The following COBL variants were observed in gnomAD, a reference collection of about 807,000 sequenced individuals.
The protein encoded by COBL is cordon-bleu WH2 repeat protein.
Under a neutral mutation model 98.8 loss-of-function variants are expected in COBL, and 51 were observed. The observed-to-expected ratio is 0.52, with a 90% CI of 0.41 to 0.65. The LOEUF (loss-of-function observed/expected upper bound fraction) is 0.65. COBL is among the 30% of genes least tolerant of loss of function. The pLI is 0.00. For synonymous variants in COBL, 634 were observed against 651.7 expected, an observed-to-expected ratio of 0.97 and a Z score of 0.41; for missense variants, 1,617 against 1,617.5, an observed-to-expected ratio of 1.00 and a Z score of 0.01.
chr7:51,314,241 G>A (rs1217031657), intron 1 of COBL, among the ~76,000 whole-genome samples: 2 of 152,214 alleles, frequency 1.3e-5, no homozygotes, highest in South Asian at 2.1e-4. Context: ...TACAACACAA[G>A]GAGGAGTGGT....
intron 5 of COBL, among the ~76,000 whole-genome samples, chr7:51,172,712 T>C (rs1787999672): frequency 6.6e-6 from 1 of 152,278 alleles, no homozygotes; most frequent in Admixed American, 6.5e-5. Context: ...AAGTGCTCCC[T>C]GATTCGGAAA....
intron 8 of COBL, chr7:51,031,126 A>G (rs767780728): frequency 3.6e-6 from 2 of 563,246 alleles, no homozygotes; most frequent in Non-Finnish European, 6.3e-6. Flanking sequence ...GGATGCGTGT[A>G]GCGTGTGTGC....
Position 51,067,830 on chromosome 7 carries a change from G to C in COBL, c.1096+17336C>G, listed in dbSNP as rs564210244. 2.9e-4 allele frequency among the ~76,000 whole-genome samples: 43 copies of C among 150,822 alleles called. 2 individuals carry two copies. The South Asian group carries it at 5.6e-3, about 20-fold the overall frequency. ...GTTTCTTTCCATTCTCTTCAACTCT[G>C]TCTATCAATGGGATAATCAGGGTTC... On this transcript the variant is annotated intron_variant, in intron 7 of 12. Coordinates refer to ENST00000265136, the MANE Select transcript of COBL (RefSeq NM_015198.5).
Position 51,043,818 on chromosome 7 carries a change from A to T in COBL, c.1097-126T>A, listed in dbSNP as rs115224218. 405 of 714,178 alleles carry T rather than the reference A, an allele frequency of 5.7e-4. No individual in the cohort carries two copies. In the African/African-American group the frequency reaches 6.7e-3, roughly 12 times the overall value. 44.2% of individuals were successfully genotyped at this position (714,178 alleles called of 1,614,324 possible). A position where few individuals can be genotyped will look rare whatever the true frequency, so the allele number is the denominator to read the frequency against. Reference sequence around the variant, plus strand: ...GGATTCAGGGTGCTCAAAGTAAAGGAAGAACCTCATTCAAATACTGCTGAA... The same window carrying T: ...GGATTCAGGGTGCTCAAAGTAAAGGTAGAACCTCATTCAAATACTGCTGAA... On this transcript the variant is annotated intron_variant, in intron 7 of 12. Coordinates refer to ENST00000265136, the MANE Select transcript of COBL (RefSeq NM_015198.5).
intron 1 of COBL, among the ~76,000 whole-genome samples, chr7:51,236,033 C>G (rs148445741): frequency 6.6e-6 from 1 of 152,162 alleles, no homozygotes; most frequent in African/African-American, 2.4e-5. Flanking sequence ...AAAACCCTTC[C>G]CCTTTTACGT....
chr7:51,180,097 A>G (rs1423378249), intron 5 of COBL, among the ~76,000 whole-genome samples: 21 of 152,218 alleles, frequency 1.4e-4, no homozygotes, highest in Admixed American at 1.2e-3. Flanking sequence ...ATGGCAATAT[A>G]CTTACTTGCA....
rs774093703 is a variant in COBL, at chr7:51,043,526, C to T, written c.1263G>A (p.Ser421=). The T allele has an allele frequency of 5.8e-5, 93 of 1,614,072 alleles. No homozygotes were observed. Among genetic ancestry groups the T allele is most frequent in the Non-Finnish European group, 7.1e-5 (84 of 1,180,046 alleles). Residue 421 remains serine (S), a synonymous_variant, in exon 8 of 13, where the codon TCG becomes TCA. Coordinates refer to ENST00000265136, the MANE Select transcript of COBL (RefSeq NM_015198.5). The part of the protein sequence containing the change: ...SSPSDIVSLD[S]QQDSMKYKDK... ...CTTTGTATTTCATGCTGTCCTGCTGCGAGTCCAGAGAGACGATGTCTGAGG... is the reference window on the plus strand; with the variant it reads ...CTTTGTATTTCATGCTGTCCTGCTGTGAGTCCAGAGAGACGATGTCTGAGG...
intron 6 of COBL, among the ~76,000 whole-genome samples, chr7:51,114,877 C>T (rs1045930722): frequency 1.2e-4 from 18 of 152,188 alleles, no homozygotes; most frequent in Non-Finnish European, 1.8e-4. Context: ...ACACTAGCTC[C>T]AATTTTAGCT....
At chr7:51,019,343 T>C (rs1009708888) in intron 12 of COBL, among the ~76,000 whole-genome samples, 4 of 151,994 alleles carry the variant, frequency 2.6e-5, no homozygotes, top group Non-Finnish European at 5.9e-5. Flanking sequence ...GCAAGACTCA[T>C]GGAACTTGTG....
rs527398557 is a variant in COBL, at chr7:51,094,870, G to GTCACATGTA, written c.958-9567_958-9566insTACATGTGA. Among the ~76,000 whole-genome samples, 439 of 152,324 alleles carry GTCACATGTA rather than the reference G, an allele frequency of 2.9e-3. 2 individuals are homozygous for GTCACATGTA. Among genetic ancestry groups the GTCACATGTA allele is most frequent in the African/African-American group, 0.01 (416 of 41,578 alleles). The stretch of plus-strand genomic sequence containing the variant: ...GTACTTTGTGACATCAAAATATGAT[G>GTCACATGTA]TGTATAGGGTGAAATGCAAAGGAAA... On this transcript the variant is annotated intron_variant, in intron 6 of 12. Transcript: ENST00000265136.
intron 7 of COBL, among the ~76,000 whole-genome samples, chr7:51,075,151 C>A (rs961963313): frequency 6.6e-6 from 1 of 152,184 alleles, no homozygotes; most frequent in African/African-American, 2.4e-5. Flanking sequence ...AATGGATGTA[C>A]AACTCAATTT....
At position 51,118,489 on chromosome 7, in the gene COBL, C is replaced by T. The variant is rs117302451; in HGVS notation, c.957+17669G>A. ...GACAATCCTCGCATCCTAGGGGCCA[C>T]CTGCATTTCACAATCTTTTATAATC... On this transcript the variant is annotated intron_variant, in intron 6 of 12. Transcript: ENST00000265136. Among the ~76,000 whole-genome samples, 6 of 152,096 alleles carry T rather than the reference C, an allele frequency of 3.9e-5. No individual in the cohort carries two copies. In the East Asian group the frequency reaches 7.8e-4, roughly 20 times the overall value.
chr7:51,080,421 C>A (rs1447795028), intron 7 of COBL, among the ~76,000 whole-genome samples: 1 of 152,138 alleles, frequency 6.6e-6, no homozygotes. Context: ...CCTGGGAGTT[C>A]CTGCAGTGGC....
At chr7:51,072,158 T>C (rs78035809) in intron 7 of COBL, 1 of 152,092 alleles carries the variant, frequency 6.6e-6, no homozygotes, top group Non-Finnish European at 1.5e-5. Flanking sequence ...TTTTTTTTTT[T>C]CCATTTTGAG....
intron 1 of COBL, among the ~76,000 whole-genome samples, chr7:51,286,505 A>G (rs969231805): frequency 6.6e-6 from 1 of 152,234 alleles, no homozygotes; most frequent in Non-Finnish European, 1.5e-5. Flanking sequence ...AACATATGAA[A>G]AAACTGTTCA....
chr7:51,024,473 C>A (rs1269520807), intron 12 of COBL, among the ~76,000 whole-genome samples: 2 of 152,168 alleles, frequency 1.3e-5, no homozygotes, highest in African/African-American at 4.8e-5. Context: ...CAGAAGCCAT[C>A]TGGCCCAAGC....
intron 1 of COBL, among the ~76,000 whole-genome samples, chr7:51,246,752 T>C (rs558146037): frequency 7.2e-5 from 11 of 152,362 alleles, no homozygotes; most frequent in African/African-American, 1.7e-4. Context: ...GTTACACAGA[T>C]TGTCATACTT....
chr7:51,251,631 G>T (rs2215164), intron 1 of COBL, among the ~76,000 whole-genome samples: 105,590 of 152,088 alleles, frequency 0.69, 37,554 homozygotes, highest in East Asian at 0.85. Flanking sequence ...CTATCCTTCA[G>T]AGATTATTGC....
intron 1 of COBL, among the ~76,000 whole-genome samples, chr7:51,223,753 T>C (rs1793891084): frequency 6.6e-6 from 1 of 152,230 alleles, no homozygotes; most frequent in Non-Finnish European, 1.5e-5. Context: ...ATCAGTGATA[T>C]CTACGTTGGC....
Sources: gnomAD v4.1 joint callset for allele counts (sites outside exome capture counted in the v4.1 genomes callset) on GRCh38, gnomAD v4.1.1 for gene constraint, MANE v1.5 for transcripts, NCBI Gene and HGNC (gene_info 2026-07-23, HGNC 2026-07-21) for gene names.